Variants in VWA1 observed in about 807,000 individuals in gnomAD.
VWA1 encodes von Willebrand factor A domain containing 1.
In VWA1, 12 loss-of-function variants were observed where a neutral mutation model predicts 14.9. That is an observed-to-expected ratio of 0.80 (90% CI 0.52 to 1.30). The LOEUF is 1.30. Ranked by LOEUF, VWA1 falls within the 50% of genes most tolerant of loss-of-function variation. The pLI is 0.00. For missense variants in VWA1, 800 were observed against 649.1 expected (o/e 1.23, Z -2.53); for synonymous variants, 368 against 310.7 (o/e 1.18, Z -1.94).
chr1:1,441,436 T>G lies in VWA1; in HGVS notation c.*1649T>G, dbSNP rs574587559. 7 of 152,704 alleles carry G rather than the reference T, an allele frequency of 4.6e-5. No individual in the cohort carries two copies. Among genetic ancestry groups the G allele is most frequent in the African/African-American group, 1.4e-4 (6 of 41,542 alleles). 9.5% of individuals were successfully genotyped at this position (152,704 alleles called of 1,614,324 possible). A position where few individuals can be genotyped will look rare whatever the true frequency, so the allele number is the denominator to read the frequency against. The stretch of plus-strand genomic sequence containing the variant: ...TGCCTGTGTGTGCAGGGGGTGTCTG[T>G]GGGGGGGCCCTGCTGGCTGGACTTT... On this transcript the variant is annotated 3_prime_UTR_variant, in exon 3 of 3. Transcript: ENST00000476993.
rs1175740250 is a variant in VWA1 at position 1,439,756 on chromosome 1, C to G, written c.1307C>G (p.Pro436Arg). The G allele has an allele frequency of 3.7e-6, 4 of 1,088,718 alleles. No individual in the cohort carries two copies. Among genetic ancestry groups the G allele is most frequent in the African/African-American group, 1.7e-5 (1 of 58,560 alleles). The allele number at this position is 1,088,718 out of a possible 1,614,324, so 67.4% of individuals were successfully genotyped here. ...CGCCCACGCCCCGTGCCCCGCGCCC[C>G]GACCCCGGGGACCGCCAGCCGTGAG... is the stretch of plus-strand genomic sequence containing the variant. ...RPRPRPVPRA[P>R]TPGTASREP The change falls in exon 3 of 3, where the codon CCG becomes CGG. Residue 436 changes from proline to arginine, a missense_variant. By Grantham distance (103) the Pro-to-Arg change is moderately radical. Coordinates refer to ENST00000476993, the MANE Select transcript of VWA1 (RefSeq NM_022834.5).
chr1:1,439,748 C>A lies in VWA1; in HGVS notation c.1299C>A (p.Pro433=). The part of the protein sequence containing the change: ...DGPRPRPRPV[P]RAPTPGTASR... ...CGCGCCCGCGCCCACGCCCCGTGCC[C>A]CGCGCCCCGACCCCGGGGACCGCCA... is the stretch of plus-strand genomic sequence containing the variant. Residue 433 remains proline (P), a synonymous_variant, in exon 3 of 3, where the codon CCC becomes CCA. Coordinates refer to ENST00000476993, the MANE Select transcript of VWA1 (RefSeq NM_022834.5). 9.1e-7 allele frequency: 1 copy of A among 1,093,220 alleles called. No individual in the cohort carries two copies. The highest frequency in any genetic ancestry group is 1.1e-6 in the Non-Finnish European group (1 of 900,594). 67.7% of individuals were successfully genotyped at this position (1,093,220 alleles called of 1,614,324 possible).
Position 1,439,146 on chromosome 1 carries a change from C to T in VWA1, c.697C>T (p.Pro233Ser), listed in dbSNP as rs756449219. 13 of 1,602,296 alleles carry T rather than the reference C, an allele frequency of 8.1e-6. No homozygotes were observed. The African/African-American group carries it at 1.5e-4, about 18-fold the overall frequency. ...ITSSGFRLAW[P>S]PLLTADSGYY... is the part of the protein sequence containing the mutation. The stretch of plus-strand genomic sequence containing the variant: ...GTCCAGCGGCTTCCGCCTGGCCTGG[C>T]CACCCCTGCTGACCGCAGACTCGGG... The change falls in exon 3 of 3, where the codon CCA (proline) becomes TCA (serine). Residue 233 changes from proline (P) to serine (S), a missense_variant. Pro to Ser is a moderately conservative substitution (Grantham distance 74). Transcript: ENST00000476993.
Position 1,437,011 on chromosome 1 carries a change from T to A in VWA1, c.158T>A (p.Val53Asp). ...ASVSHYEFSR[V>D]REFVGQLVAP... ...GTCTCTCACTACGAGTTCTCCCGGG[T>A]TCGGGAGTTTGTGGGGCAGCTGGTG... The change falls in exon 2 of 3, where the codon GTT becomes GAT. Residue 53 changes from valine (V) to aspartate (D), a missense_variant. Physicochemically the swap from Val to Asp is radical, Grantham distance 152. Coordinates refer to ENST00000476993, the MANE Select transcript of VWA1 (RefSeq NM_022834.5). 1 of 1,612,336 alleles carries A rather than the reference T, an allele frequency of 6.2e-7. No individual in the cohort carries two copies. The highest frequency in any genetic ancestry group is 8.5e-7 in the Non-Finnish European group (1 of 1,179,756).
In VWA1 at chr1:1,439,568, CG is replaced by C. The variant is rs1208046908; in HGVS notation, c.1123del (p.Glu375ArgfsTer27). 6.1e-6 allele frequency: 8 copies of C among 1,304,642 alleles called. No individual in the cohort carries two copies. The highest frequency in any genetic ancestry group is 3.9e-5 in the East Asian group (1 of 25,454). 80.8% of individuals were successfully genotyped at this position (1,304,642 alleles called of 1,614,324 possible). A position where few individuals can be genotyped will look rare whatever the true frequency, so the allele number is the denominator to read the frequency against. On this transcript the variant is annotated frameshift_variant, in exon 3 of 3. Transcript: ENST00000476993. LOFTEE classifies it low-confidence loss of function (END_TRUNC). The part of the protein sequence containing the change: ...YHVQFGPLRG[G>X]EAQRVEVPAG... Reference sequence around the variant, plus strand: ...ACGTGCAGTTCGGGCCGCTGCGGGGCGGGGAGGCGCAGCGGGTGGAGGTGCC... The same window carrying C: ...ACGTGCAGTTCGGGCCGCTGCGGGGCGGGAGGCGCAGCGGGTGGAGGTGCC...
Position 1,437,474 on chromosome 1 carries a change from C to A in VWA1, c.621C>A (p.Gly207=). ...DLHIIVQELR[G]SILDAMRPQQ... ...ACATCATTGTCCAAGAGCTGAGGGG[C>A]TCCATTCTCGGTATGCGGGAGGAGG... is the stretch of plus-strand genomic sequence containing the variant. The change falls in exon 2 of 3, where the codon GGC becomes GGA. Residue 207 remains glycine (G), a synonymous_variant. Coordinates refer to ENST00000476993, the MANE Select transcript of VWA1 (RefSeq NM_022834.5). The A allele has an allele frequency of 6.2e-7, 1 of 1,601,900 alleles. No homozygotes were observed. Among genetic ancestry groups the A allele is most frequent in the Non-Finnish European group, 8.5e-7 (1 of 1,171,374 alleles).
chr1:1,437,667 C>T (rs1638576147), intron 2 of VWA1, among the ~76,000 whole-genome samples, 183 bp downstream of exon 2: 2 of 152,182 alleles, frequency 1.3e-5, no homozygotes, highest in Admixed American at 1.3e-4. Flanking sequence ...CACTGGGCGA[C>T]CCGTGTACCC....
In VWA1 at chr1:1,439,177, AT is replaced by A. The variant is rs754450158; in HGVS notation, c.729del (p.Tyr243Ter). ...PPLLTADSGY[Y>X]VLELVPSAQP... ...CTGCTGACCGCAGACTCGGGCTACT[AT>A]GTGCTGGAGCTGGTGCCCAGCGCCC... On this transcript the variant is annotated frameshift_variant, in exon 3 of 3. Transcript: ENST00000476993. LOFTEE classifies it low-confidence loss of function (END_TRUNC). 1 of 1,605,504 alleles carries A rather than the reference AT, an allele frequency of 6.2e-7. No individual in the cohort carries two copies. Among genetic ancestry groups the A allele is most frequent in the South Asian group, 1.1e-5 (1 of 90,886 alleles).
chr1:1,437,268 C>T lies in VWA1; in HGVS notation c.415C>T (p.Leu139=), dbSNP rs1316737879. 2 of 1,610,566 alleles carry T rather than the reference C, an allele frequency of 1.2e-6. No homozygotes were observed. The highest frequency in any genetic ancestry group is 3.4e-5 in the Admixed American group (2 of 59,598). The change falls in exon 2 of 3, where the codon CTG becomes TTG. Residue 139 remains leucine, a synonymous_variant. Coordinates refer to ENST00000476993, the MANE Select transcript of VWA1 (RefSeq NM_022834.5). ...SGARPGVPKV[L]VWVTDGGSSD... is the part of the protein sequence containing the mutation. ...TGCCCGGCCAGGGGTGCCCAAAGTG[C>T]TGGTGTGGGTGACAGATGGCGGCTC...
At position 1,437,145 on chromosome 1, in the gene VWA1, C is replaced by T; in HGVS notation, c.292C>T (p.Gln98Ter). ...CCAGCACAGCTCGGGTGAGGCTGCC[C>T]AGGATGCGGTGCGTGCTTCTGCCCA... ...FGQHSSGEAAQDAVRASAQRM... is the reference protein window; with the variant it reads ...FGQHSSGEAA Residue 98 changes from glutamine to a stop codon, truncating the protein, a stop_gained, in exon 2 of 3, where the codon CAG becomes TAG. Coordinates refer to ENST00000476993, the MANE Select transcript of VWA1 (RefSeq NM_022834.5). LOFTEE classifies it high-confidence loss of function. The T allele has an allele frequency of 6.2e-7, 1 of 1,607,256 alleles. No homozygotes were observed. The highest frequency in any genetic ancestry group is 8.5e-7 in the Non-Finnish European group (1 of 1,176,030).
In VWA1 at chr1:1,439,335, A is replaced by T. The variant is rs1469065010; in HGVS notation, c.886A>T (p.Ile296Phe). 1.9e-6 allele frequency: 3 copies of T among 1,576,174 alleles called. No individual in the cohort carries two copies. The highest frequency in any genetic ancestry group is 2.6e-6 in the Non-Finnish European group (3 of 1,167,674). Reference sequence around the variant, plus strand: ...CAACGTGCGCCTCCTGAGGCCCCAGATCCTGCGGGTGCGCACGCGGCCCGG... The same window carrying T: ...CAACGTGCGCCTCCTGAGGCCCCAGTTCCTGCGGGTGCGCACGCGGCCCGG... The part of the protein sequence containing the change: ...ESNVRLLRPQ[I>F]LRVRTRPGEA... The change falls in exon 3 of 3, where the codon ATC (isoleucine) becomes TTC (phenylalanine). Residue 296 changes from isoleucine to phenylalanine, a missense_variant. Physicochemically the swap from Ile to Phe is conservative, Grantham distance 21. Coordinates refer to ENST00000476993, the MANE Select transcript of VWA1 (RefSeq NM_022834.5).
intron 2 of VWA1, 39 bp downstream of exon 2, chr1:1,437,523 G>A: frequency 3.2e-6 from 5 of 1,565,126 alleles, no homozygotes; most frequent in Non-Finnish European, 4.3e-6. Flanking sequence ...GCCCTAGCTG[G>A]GAGCCGCAGA....
Position 1,436,961 on chromosome 1 carries a change from G to A in VWA1, c.108G>A (p.Met36Ile), listed in dbSNP as rs768030682. ...CATCAGCCCCCCGAGGGGACCTGAT[G>A]TTCCTGCTGGACAGCTCAGCCAGCG... Reference protein sequence around the residue: ...PPASAPRGDLMFLLDSSASVS... With the variant: ...PPASAPRGDLIFLLDSSASVS... Residue 36 changes from methionine to isoleucine, a missense_variant, in exon 2 of 3, where the codon ATG (methionine) becomes ATA (isoleucine). Coordinates refer to ENST00000476993, the MANE Select transcript of VWA1 (RefSeq NM_022834.5). 1.2e-6 allele frequency: 2 copies of A among 1,611,384 alleles called. No individual in the cohort carries two copies. The highest frequency in any genetic ancestry group is 1.3e-5 in the African/African-American group (1 of 75,044).
intron 1 of VWA1, among the ~76,000 whole-genome samples, chr1:1,436,053 ATC>A (rs1016548807): frequency 7.3e-5 from 11 of 151,500 alleles, no homozygotes; most frequent in Admixed American, 2.0e-4. Flanking sequence ...CCCGGCCCGC[ATC>A]TCTGCGGGAT....
Position 1,436,941 on chromosome 1 carries a change from G to GC in VWA1, c.94dup (p.Arg32ProfsTer64), listed in dbSNP as rs761604051. 5.0e-6 allele frequency: 8 copies of GC among 1,598,470 alleles called. No individual in the cohort carries two copies. The African/African-American group carries it at 8.0e-5, about 16-fold the overall frequency. On this transcript the variant is annotated frameshift_variant, in exon 2 of 3. Coordinates refer to ENST00000476993, the MANE Select transcript of VWA1 (RefSeq NM_022834.5). LOFTEE classifies it high-confidence loss of function. ...CTTTCCCCCAGGTCCACCAGCATCA[G>GC]CCCCCCGAGGGGACCTGATGTTCCT... is the stretch of plus-strand genomic sequence containing the variant.
At position 1,439,529 on chromosome 1, in the gene VWA1, G is replaced by T; in HGVS notation, c.1080G>T (p.Ala360=). ...VSWAPALGSA[A]ALGYHVQFGP... Reference sequence around the variant, plus strand: ...GGGCCCCAGCGCTGGGCTCAGCCGCGGCGCTCGGCTACCACGTGCAGTTCG... The same window carrying T: ...GGGCCCCAGCGCTGGGCTCAGCCGCTGCGCTCGGCTACCACGTGCAGTTCG... Residue 360 remains alanine, a synonymous_variant, in exon 3 of 3, where the codon GCG becomes GCT. Coordinates refer to ENST00000476993, the MANE Select transcript of VWA1 (RefSeq NM_022834.5). The T allele has an allele frequency of 7.3e-7, 1 of 1,363,662 alleles. No individual in the cohort carries two copies. The allele number at this position is 1,363,662 out of a possible 1,614,324, so 84.5% of individuals were successfully genotyped here. A position where few individuals can be genotyped will look rare whatever the true frequency, so the allele number is the denominator to read the frequency against.
rs1638621513 is a variant in VWA1 at position 1,439,699 on chromosome 1, C to G, written c.1250C>G (p.Ala417Gly). The change falls in exon 3 of 3, where the codon GCC becomes GGC. Residue 417 changes from alanine (A) to glycine (G), a missense_variant. By Grantham distance (60) the Ala-to-Gly change is moderately conservative (BLOSUM62 0). Coordinates refer to ENST00000476993, the MANE Select transcript of VWA1 (RefSeq NM_022834.5). ...FRSGRESALS[A>G]KACTPDGPRP... ...TCGGGCCGCGAGAGCGCGCTGTCCG[C>G]CAAGGCCTGCACGCCCGACGGCCCG... 6 of 1,247,176 alleles carry G rather than the reference C, an allele frequency of 4.8e-6. No homozygotes were observed. The highest frequency in any genetic ancestry group is 3.3e-5 in the African/African-American group (2 of 60,760). 77.3% of individuals were successfully genotyped at this position (1,247,176 alleles called of 1,614,324 possible). A position where few individuals can be genotyped will look rare whatever the true frequency, so the allele number is the denominator to read the frequency against.
chr1:1,439,012 G>C, intron 2 of VWA1, 69 bp from the exon 3 acceptor site: 3 of 1,511,948 alleles, frequency 2.0e-6, no homozygotes, highest in South Asian at 2.5e-5. Context: ...TTCCCCATCA[G>C]CCAGGGCCGC....
rs749945726 is a variant in VWA1 at position 1,437,367 on chromosome 1, C to T, written c.514C>T (p.Arg172Ter). Reference sequence around the variant, plus strand: ...CACCGTGTTCATTGTCAGCACCGGCCGAGGCAACTTCCTGGAGCTGTCAGC... The same window carrying T: ...CACCGTGTTCATTGTCAGCACCGGCTGAGGCAACTTCCTGGAGCTGTCAGC... ...GVTVFIVSTGRGNFLELSAAA... is the reference protein window; with the variant it reads ...GVTVFIVSTG Residue 172 changes from arginine to a stop codon, truncating the protein, a stop_gained, in exon 2 of 3, where the codon CGA (arginine) becomes TGA (stop). Coordinates refer to ENST00000476993, the MANE Select transcript of VWA1 (RefSeq NM_022834.5). LOFTEE classifies it high-confidence loss of function. The T allele has an allele frequency of 1.9e-5, 30 of 1,612,642 alleles. No individual in the cohort carries two copies. The highest frequency in any genetic ancestry group is 4.0e-5 in the African/African-American group (3 of 74,918).
Sources: allele counts gnomAD v4.1 joint callset (sites outside exome capture counted in the v4.1 genomes callset), GRCh38; gene constraint gnomAD v4.1.1; transcripts MANE v1.5; gene names NCBI Gene and HGNC (gene_info 2026-07-23, HGNC 2026-07-21).